Variants in ITGB2 observed in about 807,000 individuals in gnomAD.
The protein encoded by ITGB2 is integrin beta-2.
A neutral mutation model predicts 86.8 loss-of-function variants in ITGB2; 56 were observed. The observed-to-expected ratio is 0.65, with a 90% CI of 0.52 to 0.81. The LOEUF (loss-of-function observed/expected upper bound fraction) is 0.81, where lower values mean the gene tolerates loss of function less well. Among genes scored for constraint, ITGB2 ranks in the 30% least tolerant of loss-of-function variants. The pLI is 0.00. For missense variants in ITGB2, 948 were observed against 1,061.2 expected (o/e 0.89, Z 1.48); for synonymous variants, 457 against 450.4 (o/e 1.01, Z -0.19).
rs574690500 is a variant in ITGB2, at chr21:44,890,764, C to T, written c.1413-542G>A. Among the ~76,000 whole-genome samples the T allele has an allele frequency of 2.7e-3, 405 of 152,300 alleles. 2 individuals are homozygous for T. The highest frequency in any genetic ancestry group is 9.3e-3 in the African/African-American group (386 of 41,556). ...GGCATCCTCAGAGACGGCACTGCCA[C>T]GGGCTCTCCTGCTCCCCAGAGGAGG... is the stretch of plus-strand genomic sequence containing the variant. On this transcript the variant is annotated intron_variant, in intron 11 of 15. Coordinates refer to ENST00000652462, the MANE Select transcript of ITGB2 (RefSeq NM_000211.5).
At position 44,913,670 on chromosome 21, in the gene ITGB2, G is replaced by T. The variant is rs149520204; in HGVS notation, c.-3-2885C>A. 7.2e-3 allele frequency among the ~76,000 whole-genome samples: 1,093 copies of T among 152,288 alleles called. 10 individuals carry two copies. Among genetic ancestry groups the T allele is most frequent in the Middle Eastern group, 0.017 (5 of 294 alleles). On this transcript the variant is annotated intron_variant, in intron 1 of 15. Coordinates refer to ENST00000652462, the MANE Select transcript of ITGB2 (RefSeq NM_000211.5). ...GCTCCAGGAGGTAAGGCAGTGCACT[G>T]AGCCTGGCAGCCAGCCTCCCTTCTG...
At chr21:44,915,647 A>G (rs544919006) in intron 1 of ITGB2, among the ~76,000 whole-genome samples, 1 of 152,298 alleles carries the variant, frequency 6.6e-6, no homozygotes, top group African/African-American at 2.4e-5. Flanking sequence ...AGATGGACTC[A>G]TTTCTGCTTT....
rs1285331670 is a variant in ITGB2 at position 44,889,368 on chromosome 21, C to T, written c.1785G>A (p.Arg595=). 2 of 1,612,778 alleles carry T rather than the reference C, an allele frequency of 1.2e-6. No homozygotes were observed. Among genetic ancestry groups the T allele is most frequent in the Admixed American group, 3.3e-5 (2 of 60,002 alleles). ...PRRVECSGRG[R]CRCNVCECHS... ...GGCACTCGCATACGTTGCAGCGGCA[C>T]CGGCCACGACCACTACACTCAACAC... Residue 595 remains arginine, a synonymous_variant, in exon 13 of 16, where the codon CGG becomes CGA. Transcript: ENST00000652462.
intron 7 of ITGB2, among the ~76,000 whole-genome samples, chr21:44,899,451 A>G (rs1045636070): frequency 6.6e-6 from 1 of 152,328 alleles, no homozygotes; most frequent in Admixed American, 6.5e-5. Context: ...AGCCTTCCCC[A>G]CACGGTGGAC....
At chr21:44,901,801 G>C (rs980814676) in intron 5 of ITGB2, 68 bp from the exon 6 acceptor site, 2 of 1,525,458 alleles carry the variant, frequency 1.3e-6, no homozygotes, top group African/African-American at 1.4e-5. Context: ...AGCTTCAAAG[G>C]GGCACGAGGG....
At chr21:44,923,655 G>A (rs921068237), upstream of ITGB2, among the ~76,000 whole-genome samples, 4 of 152,130 alleles carry the variant, frequency 2.6e-5, no homozygotes, top group Non-Finnish European at 5.9e-5. Flanking sequence ...TTATTTCGCG[G>A]GTATAAAGTT....
intron 8 of ITGB2, among the ~76,000 whole-genome samples, chr21:44,896,575 C>T (rs948954515): frequency 7.2e-5 from 11 of 152,076 alleles, no homozygotes; most frequent in Non-Finnish European, 2.9e-5. Flanking sequence ...TGGGGCCGGT[C>T]ACAGCCTGGC....
intron 1 of ITGB2, among the ~76,000 whole-genome samples, chr21:44,919,624 C>T (rs1169775384): frequency 1.3e-5 from 2 of 152,208 alleles, no homozygotes; most frequent in Non-Finnish European, 2.9e-5. Flanking sequence ...GCGCCACCGT[C>T]ACGGGGAAGG....
chr21:44,892,336 A>G (rs1158745681), intron 10 of ITGB2, among the ~76,000 whole-genome samples: 1 of 152,174 alleles, frequency 6.6e-6, no homozygotes, highest in Non-Finnish European at 1.5e-5. Context: ...AATCCATGGG[A>G]CAGCTGGGCG....
intron 9 of ITGB2, 79 bp downstream of exon 9, chr21:44,894,892 C>G: frequency 9.9e-7 from 1 of 1,008,822 alleles, no homozygotes; most frequent in Non-Finnish European, 1.6e-6. Flanking sequence ...CTCCTGCTGA[C>G]CTGCAGCAGG....
chr21:44,897,183 T>C (rs2083882373), intron 8 of ITGB2, among the ~76,000 whole-genome samples: 1 of 152,246 alleles, frequency 6.6e-6, no homozygotes, highest in African/African-American at 2.4e-5. Context: ...CAGGAACCGC[T>C]GGTCTCGCTG....
At chr21:44,893,912 G>A in intron 9 of ITGB2, 2 of 347,246 alleles carry the variant, frequency 5.8e-6, no homozygotes, top group Non-Finnish European at 1.1e-5. Flanking sequence ...AGACAGAGAT[G>A]GGCAGAGCCA....
chr21:44,907,470 T>C (rs540180365), intron 3 of ITGB2, among the ~76,000 whole-genome samples: 1 of 152,354 alleles, frequency 6.6e-6, no homozygotes, highest in South Asian at 2.1e-4. Flanking sequence ...GGAGTTGCTG[T>C]GTCCCAAAGG....
chr21:44,909,732 A>G (rs988289663), intron 3 of ITGB2, among the ~76,000 whole-genome samples: 4 of 152,230 alleles, frequency 2.6e-5, no homozygotes, highest in African/African-American at 9.6e-5. Flanking sequence ...ATAATGAGAT[A>G]CCAATGCTGA....
chr21:44,901,414 C>T, intron 6 of ITGB2, 78 bp downstream of exon 6: 6 of 1,550,568 alleles, frequency 3.9e-6, no homozygotes. Flanking sequence ...CAGGGTACCC[C>T]CCTGCCCCCA....
intron 9 of ITGB2, chr21:44,894,765 C>T: frequency 3.2e-6 from 2 of 622,984 alleles, no homozygotes; most frequent in Non-Finnish European, 5.8e-6. Flanking sequence ...ACAACATCAA[C>T]GAGAGAGGAC....
In ITGB2 at chr21:44,916,655, G is replaced by A. The variant is rs12481877; in HGVS notation, c.-4+4166C>T. Reference sequence around the variant, plus strand: ...GGCTGAGGCAGGCGGATCACCTGAGGTCAGGAGTTTGAGACCAGCCTGAGC... The same window carrying A: ...GGCTGAGGCAGGCGGATCACCTGAGATCAGGAGTTTGAGACCAGCCTGAGC... On this transcript the variant is annotated intron_variant, in intron 1 of 15. Coordinates refer to ENST00000652462, the MANE Select transcript of ITGB2 (RefSeq NM_000211.5). 3.4e-3 allele frequency among the ~76,000 whole-genome samples: 519 copies of A among 152,146 alleles called. 6 individuals are homozygous for A. The highest frequency in any genetic ancestry group is 0.013 in the Admixed American group (204 of 15,288).
rs117989670 is a variant in ITGB2, at chr21:44,885,998, C to T, written c.*370G>A. On this transcript the variant is annotated 3_prime_UTR_variant, in exon 16 of 16. Transcript: ENST00000652462. Reference sequence around the variant, plus strand: ...TGAAGTTTTATTTTTTTTCTATACACGTGATTGATTAACAATATAATTAAT... The same window carrying T: ...TGAAGTTTTATTTTTTTTCTATACATGTGATTGATTAACAATATAATTAAT... 21 of 330,660 alleles carry T rather than the reference C, an allele frequency of 6.4e-5. No homozygotes were observed. The highest frequency in any genetic ancestry group is 3.4e-4 in the African/African-American group (16 of 46,684). 20.5% of individuals were successfully genotyped at this position (330,660 alleles called of 1,614,324 possible).
rs554200597 is a variant in ITGB2, at chr21:44,910,049, A to G, written c.147+235T>C. Among the ~76,000 whole-genome samples the G allele has an allele frequency of 6.8e-4, 103 of 152,364 alleles. 1 individual carries two copies. The South Asian group carries it at 0.021, about 31-fold the overall frequency. On this transcript the variant is annotated intron_variant, in intron 3 of 15. Transcript: ENST00000652462. ...AAGAGACAAAGGGCTCCATGTCTAC[A>G]ACCTACTCGGAAATGGCTGAGAAAA...
Sources: gnomAD v4.1 joint callset for allele counts (sites outside exome capture counted in the v4.1 genomes callset) on GRCh38, gnomAD v4.1.1 for gene constraint, MANE v1.5 for transcripts, NCBI Gene and HGNC (gene_info 2026-07-23, HGNC 2026-07-21) for gene names.